The following MYO1H variants were observed in gnomAD, a reference collection of about 807,000 sequenced individuals.
The protein encoded by MYO1H is myosin IH, also known as unconventional myosin-Ih.
Under a neutral mutation model 149.3 loss-of-function variants are expected in MYO1H, and 118 were observed. The ratio of observed to expected loss-of-function variants is 0.79; its 90% confidence interval spans 0.68 to 0.92. MYO1H has a LOEUF of 0.92. Ranked by LOEUF, MYO1H falls within the 40% of genes least tolerant of loss-of-function variation. The pLI, the probability that MYO1H is intolerant of heterozygous loss-of-function variation, is 0.00. For synonymous variants in MYO1H, 447 were observed against 465.2 expected (o/e 0.96, Z 0.50); for missense variants, 1,212 against 1,280.7 (o/e 0.95, Z 0.82).
intron 12 of MYO1H, 115 bp from the exon 13 acceptor site, chr12:109,410,573 G>T: frequency 2.9e-6 from 2 of 700,608 alleles, no homozygotes; most frequent in East Asian, 2.7e-5. Flanking sequence ...ATTTGTTTAA[G>T]GTTGAATATA....
At chr12:109,343,689 C>T (rs2048093741), upstream of MYO1H, among the ~76,000 whole-genome samples, 1 of 152,132 alleles carries the variant, frequency 6.6e-6, no homozygotes, top group South Asian at 2.1e-4. Flanking sequence ...CATGCTCCCA[C>T]TTGCATGTGT....
chr12:109,395,107 C>T (rs1056154692), intron 3 of MYO1H, among the ~76,000 whole-genome samples: 6 of 152,180 alleles, frequency 3.9e-5, no homozygotes, highest in African/African-American at 1.4e-4. Context: ...AACTCTGCCT[C>T]GTATTCAGGT....
the MYO1H span, among the ~76,000 whole-genome samples, chr12:109,330,088 G>A: frequency 1.3e-5 from 2 of 152,198 alleles, no homozygotes; most frequent in African/African-American, 4.8e-5. Context: ...CAAATCGGGA[G>A]TCTAGTTAAT....
At chr12:109,355,495 G>A (rs972230078) in intron 1 of MYO1H, among the ~76,000 whole-genome samples, 1 of 152,050 alleles carries the variant, frequency 6.6e-6, no homozygotes, top group Non-Finnish European at 1.5e-5. Flanking sequence ...TTATAGCTAT[G>A]GGCCTGGGAT....
the MYO1H span, among the ~76,000 whole-genome samples, chr12:109,316,415 G>A: frequency 6.6e-6 from 1 of 152,178 alleles, no homozygotes; most frequent in Non-Finnish European, 1.5e-5. Flanking sequence ...CCATTCCCAA[G>A]ATTCTAGATG....
chr12:109,327,134 C>CTTTTTTTTTTTTTTTTT, the MYO1H span, among the ~76,000 whole-genome samples: 6 of 94,744 alleles, frequency 6.3e-5, no homozygotes, highest in South Asian at 7.0e-4. Context: ...TTTTCTTTTT[C>CTTTTTTTTTTTTTTTTT]TTTTTTTTTT....
At chr12:109,327,556 G>C in the MYO1H span, among the ~76,000 whole-genome samples, 17,241 of 151,480 alleles carry the variant, frequency 0.11, 1,120 homozygotes, top group African/African-American at 0.15. Context: ...GACCAACCTG[G>C]CTAACACGGC....
chr12:109,318,972 G>GTTTTTGTTTTTTTTT, the MYO1H span, among the ~76,000 whole-genome samples: 2 of 77,252 alleles, frequency 2.6e-5, no homozygotes, highest in Non-Finnish European at 5.1e-5. Flanking sequence ...TTTTGGTTTT[G>GTTTTTGTTTTTTTTT]TTTTTTTTTT....
chr12:109,427,357 G>T, intron 18 of MYO1H, 112 bp from the exon 19 acceptor site: 4 of 649,256 alleles, frequency 6.2e-6, no homozygotes, highest in Non-Finnish European at 1.1e-5. Context: ...CACGAAATGA[G>T]TCTGGGGCCA....
At chr12:109,379,450 G>A (rs1869154528) in intron 1 of MYO1H, among the ~76,000 whole-genome samples, 1 of 152,084 alleles carries the variant, frequency 6.6e-6, no homozygotes, top group Non-Finnish European at 1.5e-5. Flanking sequence ...TTTTGCTATT[G>A]GTTTCTGTCA....
Position 109,444,351 on chromosome 12 carries a change from A to G in MYO1H, c.2895+68A>G, listed in dbSNP as rs1194312024. The G allele has an allele frequency of 1.7e-5, 27 of 1,564,246 alleles. No homozygotes were observed. The South Asian group carries it at 2.8e-4, about 16-fold the overall frequency. On this transcript the variant is annotated intron_variant, in intron 29 of 31. Coordinates refer to ENST00000310903, the Ensembl canonical transcript of MYO1H. ...ACACTGCCAAAATGTTAAGTTGACC[A>G]CCGTGAAACTTCTCTATTGGAGTGT...
the MYO1H span, among the ~76,000 whole-genome samples, chr12:109,335,885 T>C: frequency 6.6e-6 from 1 of 151,290 alleles, no homozygotes; most frequent in African/African-American, 2.5e-5. Context: ...TTGTCTTATA[T>C]TCAGCCACTT....
chr12:109,415,900 AC>A (rs1396476658), intron 15 of MYO1H, among the ~76,000 whole-genome samples: 2 of 150,084 alleles, frequency 1.3e-5, no homozygotes, highest in African/African-American at 2.5e-5. Context: ...AAACATTACC[AC>A]CATTCATTTT....
intron 28 of MYO1H, 88 bp from the exon 29 acceptor site, chr12:109,444,125 T>C (rs1872371320): frequency 4.1e-6 from 4 of 977,804 alleles, no homozygotes; most frequent in South Asian, 1.3e-5. Context: ...AAGTGTGGTG[T>C]TGGGCAGCCC....
chr12:109,326,931 C>T, the MYO1H span, among the ~76,000 whole-genome samples: 7 of 151,904 alleles, frequency 4.6e-5, no homozygotes, highest in Admixed American at 6.6e-5. Context: ...ATAAACTTTC[C>T]CCCCACTCTA....
intron 15 of MYO1H, among the ~76,000 whole-genome samples, chr12:109,417,630 A>G (rs373708461): frequency 7.3e-5 from 11 of 151,210 alleles, no homozygotes; most frequent in Admixed American, 2.6e-4. Context: ...CCCCGCCTAT[A>G]TGTGGTGTTC....
chr12:109,436,670 A>G lies in MYO1H; in HGVS notation c.2209+114A>G, dbSNP rs1871875186. 8.6e-6 allele frequency: 6 copies of G among 697,952 alleles called. No individual in the cohort carries two copies. In the South Asian group the frequency reaches 9.0e-5, roughly 10 times the overall value. The allele number at this position is 697,952 out of a possible 1,614,324, so 43.2% of individuals were successfully genotyped here. The stretch of plus-strand genomic sequence containing the variant: ...CATCCTTAAAACCTTGTGTGGTGCT[A>G]TCTTGGGGTCCAGTTCTGGGGCCTC... On this transcript the variant is annotated intron_variant, in intron 22 of 31. Transcript: ENST00000310903.
At chr12:109,388,954 G>A (rs1343797380) in intron 2 of MYO1H, 110 bp downstream of exon 2, 1 of 1,336,472 alleles carries the variant, frequency 7.5e-7, no homozygotes, top group African/African-American at 1.5e-5. Flanking sequence ...ACATTAAAGG[G>A]AGATACTGAG....
At chr12:109,374,933 C>A (rs1209524217) in intron 1 of MYO1H, among the ~76,000 whole-genome samples, 3 of 151,496 alleles carry the variant, frequency 2.0e-5, no homozygotes, top group Non-Finnish European at 4.4e-5. Context: ...CGGCTCACTG[C>A]AACCTCCACC....
Sources: gnomAD v4.1 joint callset for allele counts (sites outside exome capture counted in the v4.1 genomes callset) on GRCh38, gnomAD v4.1.1 for gene constraint, MANE v1.5 for transcripts, NCBI Gene and HGNC (gene_info 2026-07-23, HGNC 2026-07-21) for gene names.